The following DEPTOR variants were observed in gnomAD, a reference collection of about 807,000 sequenced individuals.
DEPTOR encodes DEP domain containing MTOR interacting protein, also known as DEP domain-containing mTOR-interacting protein.
DEPTOR carries 41 observed loss-of-function variants against 41.6 expected under a neutral mutation model. The ratio of observed to expected loss-of-function variants is 0.98; its 90% CI spans 0.77 to 1.28. The LOEUF (loss-of-function observed/expected upper bound fraction) is 1.28, where lower values mean the gene tolerates loss of function less well. Ranked by LOEUF, DEPTOR falls within the 50% of genes most tolerant of loss-of-function variation. The pLI is 0.00. For synonymous variants in DEPTOR, 195 were observed against 192.3 expected, an observed-to-expected ratio of 1.01 and a Z score of -0.12; for missense variants, 514 against 527.9, an observed-to-expected ratio of 0.97 and a Z score of 0.26.
rs528417151 is a variant in DEPTOR at position 119,987,262 on chromosome 8, C to T, written c.605-14263C>T. Among the ~76,000 whole-genome samples, 4 of 152,214 alleles carry T rather than the reference C, an allele frequency of 2.6e-5. No homozygotes were observed. The South Asian group carries it at 8.3e-4, about 32-fold the overall frequency. On this transcript the variant is annotated intron_variant, in intron 4 of 8. Transcript: ENST00000286234. ...CGTTGATGCTATTCCTCTCTGTTTGCTAGTTTTCCTTCTAAGTCAGACCCC... is the reference window on the plus strand; with the variant it reads ...CGTTGATGCTATTCCTCTCTGTTTGTTAGTTTTCCTTCTAAGTCAGACCCC...
At chr8:119,965,479 C>A in intron 4 of DEPTOR, 69 bp downstream of exon 4, 2 of 1,538,278 alleles carry the variant, frequency 1.3e-6, no homozygotes, top group Non-Finnish European at 1.8e-6. Flanking sequence ...CTTACAACAA[C>A]ACGTACTTAT....
rs747315642 is a variant in DEPTOR, at chr8:119,991,030, TTTTCTTTC to T, written c.605-10443_605-10436del. Among the ~76,000 whole-genome samples the T allele has an allele frequency of 6.8e-3, 366 of 53,672 alleles. 4 individuals are homozygous for T. Among genetic ancestry groups the T allele is most frequent in the East Asian group, 0.024 (49 of 2,024 alleles). The allele number at this position is 53,672 out of a possible 152,430, so 35.2% of individuals were successfully genotyped here. A position where few individuals can be genotyped will look rare whatever the true frequency, so the allele number is the denominator to read the frequency against. On this transcript the variant is annotated intron_variant, in intron 4 of 8. Transcript: ENST00000286234. ...GGCCTTAAGTACAGCTCGGGTTTTC[TTTTCTTTC>T]TTTCTTTCTTTCTTTCTTTCTTTCT...
rs1812491031 is a variant in DEPTOR, at chr8:120,009,033, T to A, written c.1001T>A (p.Val334Asp). The A allele has an allele frequency of 1.9e-6, 3 of 1,614,016 alleles. No individual in the cohort carries two copies. Among genetic ancestry groups the A allele is most frequent in the Non-Finnish European group, 2.5e-6 (3 of 1,179,984 alleles). Residue 334 changes from valine to aspartate, a missense_variant, in exon 8 of 9, where the codon GTT becomes GAT. Physicochemically the swap from Val to Asp is radical, Grantham distance 152. Transcript: ENST00000286234. ...AATTGTGGTTTTCCTCTCTAGATTGTTGGTGACGCGGTTGGCTGGGGTTTT... is the reference window on the plus strand; with the variant it reads ...AATTGTGGTTTTCCTCTCTAGATTGATGGTGACGCGGTTGGCTGGGGTTTT... The part of the protein sequence containing the change: ...APYARKTFTI[V>D]GDAVGWGFVV...
intron 1 of DEPTOR, among the ~76,000 whole-genome samples, chr8:119,927,191 G>A (rs146807879): frequency 1.1e-4 from 17 of 152,230 alleles, no homozygotes; most frequent in Non-Finnish European, 1.8e-4. Flanking sequence ...TGGGTGCAGA[G>A]TACAGAGCTC....
chr8:119,927,295 A>G (rs1232309106), intron 1 of DEPTOR, among the ~76,000 whole-genome samples: 1 of 152,142 alleles, frequency 6.6e-6, no homozygotes, highest in African/African-American at 2.4e-5. Flanking sequence ...GTATTGGGAC[A>G]ATATTGGTAT....
chr8:120,048,023 A>G (rs1256976534), intron 8 of DEPTOR, among the ~76,000 whole-genome samples: 1 of 142,060 alleles, frequency 7.0e-6, no homozygotes, highest in East Asian at 2.3e-4. Flanking sequence ...ACAGAGGGAG[A>G]CTCCATGTCA....
intron 1 of DEPTOR, among the ~76,000 whole-genome samples, chr8:119,879,742 G>A (rs1044849602): frequency 6.8e-6 from 1 of 147,430 alleles, no homozygotes; most frequent in African/African-American, 2.5e-5. Context: ...CCGGGCACGG[G>A]GACTCATGCC....
At chr8:119,995,452 G>T (rs1339461582) in intron 4 of DEPTOR, among the ~76,000 whole-genome samples, 1 of 151,970 alleles carries the variant, frequency 6.6e-6, no homozygotes, top group Non-Finnish European at 1.5e-5. Flanking sequence ...CAGGCCTGGT[G>T]GTAGGTGCCT....
At chr8:119,894,266 A>G (rs1827486088) in intron 1 of DEPTOR, among the ~76,000 whole-genome samples, 1 of 151,674 alleles carries the variant, frequency 6.6e-6, no homozygotes, top group African/African-American at 2.4e-5. Flanking sequence ...GGGTCTCACT[A>G]TGTTGTCCAG....
At chr8:120,018,680 T>C (rs1208256078) in intron 8 of DEPTOR, among the ~76,000 whole-genome samples, 2 of 152,030 alleles carry the variant, frequency 1.3e-5, no homozygotes, top group Non-Finnish European at 2.9e-5. Flanking sequence ...TTTTGCAGAG[T>C]TGTAGCTTCT....
At chr8:119,946,891 G>A (rs1334311294) in intron 3 of DEPTOR, among the ~76,000 whole-genome samples, 4 of 152,244 alleles carry the variant, frequency 2.6e-5, no homozygotes, top group Admixed American at 6.5e-5. Context: ...CCTGCCACCT[G>A]ATGCTGCCCT....
Position 120,035,297 on chromosome 8 carries a change from G to C in DEPTOR, c.1102-14279G>C, listed in dbSNP as rs1812963391. Among the ~76,000 whole-genome samples, 3 of 150,980 alleles carry C rather than the reference G, an allele frequency of 2.0e-5. 1 individual carries two copies. In the South Asian group the frequency reaches 6.3e-4, roughly 32 times the overall value. ...ATGGCACCACTACACTCCAGCCTGT[G>C]AGACAGAGTGAGACCCTGCCCAGAA... On this transcript the variant is annotated intron_variant, in intron 8 of 8. Transcript: ENST00000286234.
chr8:119,895,173 C>A (rs973748361), intron 1 of DEPTOR, among the ~76,000 whole-genome samples: 1 of 152,168 alleles, frequency 6.6e-6, no homozygotes, highest in Non-Finnish European at 1.5e-5. Flanking sequence ...ATAGTTGAAA[C>A]CTGAAAGAGA....
chr8:119,919,703 C>T (rs1440955915), intron 1 of DEPTOR, among the ~76,000 whole-genome samples: 4 of 152,124 alleles, frequency 2.6e-5, no homozygotes, highest in Non-Finnish European at 4.4e-5. Flanking sequence ...TATGTCAGTA[C>T]TGTTGCCCAA....
chr8:119,951,454 C>T (rs1212340136), intron 3 of DEPTOR, among the ~76,000 whole-genome samples: 1 of 152,114 alleles, frequency 6.6e-6, no homozygotes, highest in African/African-American at 2.4e-5. Context: ...CACTTGGCTT[C>T]TATCTAAAGC....
intron 8 of DEPTOR, among the ~76,000 whole-genome samples, chr8:120,031,914 T>C (rs1201677547): frequency 3.3e-5 from 5 of 152,132 alleles, no homozygotes; most frequent in Admixed American, 2.6e-4. Flanking sequence ...AGTCCTTTTT[T>C]ACCAGTCTGG....
At chr8:120,032,354 G>T (rs1341440689) in intron 8 of DEPTOR, among the ~76,000 whole-genome samples, 1 of 151,842 alleles carries the variant, frequency 6.6e-6, no homozygotes, top group Non-Finnish European at 1.5e-5. Context: ...GAGTAGCTGG[G>T]CTTAAAAGGT....
Position 120,003,101 on chromosome 8 carries a change from C to T in DEPTOR, c.915C>T (p.Asn305=). The change falls in exon 6 of 9, where the codon AAC becomes AAT. Residue 305 remains asparagine (N), a synonymous_variant. Transcript: ENST00000286234. Reference sequence around the variant, plus strand: ...GCAGCAGCCCCCCTGTGCTCTGCAACCCCAAGTCCGGTGAGTGCCCAAAAG... The same window carrying T: ...GCAGCAGCCCCCCTGTGCTCTGCAATCCCAAGTCCGGTGAGTGCCCAAAAG... ...TLSSSPPVLC[N]PKSVLKRPVT... The T allele has an allele frequency of 6.2e-7, 1 of 1,612,322 alleles. No individual in the cohort carries two copies.
intron 1 of DEPTOR, among the ~76,000 whole-genome samples, chr8:119,897,532 C>T (rs944826217): frequency 6.6e-6 from 1 of 150,944 alleles, no homozygotes. Context: ...GACTCTGTCT[C>T]AAAAAAATAA....
Sources: gnomAD v4.1 joint callset for allele counts (sites outside exome capture counted in the v4.1 genomes callset) on GRCh38, gnomAD v4.1.1 for gene constraint, MANE v1.5 for transcripts, NCBI Gene and HGNC (gene_info 2026-07-23, HGNC 2026-07-21) for gene names.